Variants in ADAMTSL1 observed in about 807,000 individuals in gnomAD.
ADAMTSL1 encodes the protein ADAMTS like 1.
Under a neutral mutation model 201.8 loss-of-function variants are expected in ADAMTSL1, and 126 were observed. The ratio of observed to expected loss-of-function variants is 0.62; its 90% CI spans 0.54 to 0.72. ADAMTSL1 has a LOEUF of 0.72. ADAMTSL1 is among the 30% of genes least tolerant of loss of function. The probability of loss-of-function intolerance (pLI) is 0.00; values close to 1 mark genes in which losing one functional copy is unlikely to be tolerated. For missense variants in ADAMTSL1, 2,679 were observed against 2,277.8 expected (o/e 1.18, Z -3.59); for synonymous variants, 1,121 against 903.4 (o/e 1.24, Z -4.32).
At chr9:18,720,662 A>T (rs1833287815) in intron 14 of ADAMTSL1, among the ~76,000 whole-genome samples, 2 of 152,342 alleles carry the variant, frequency 1.3e-5, no homozygotes, top group South Asian at 2.1e-4. Context: ...ACACGCCTGT[A>T]ATCCCAGCTA....
At chr9:18,509,383 C>T (rs1041267229) in intron 2 of ADAMTSL1, among the ~76,000 whole-genome samples, 2 of 152,130 alleles carry the variant, frequency 1.3e-5, no homozygotes, top group Admixed American at 6.5e-5. Flanking sequence ...CTTCCTTACG[C>T]TAATGGTAAC....
At chr9:18,127,481 AACACACACAC>A (rs112886805) in intron 1 of ADAMTSL1, among the ~76,000 whole-genome samples, 2,590 of 146,198 alleles carry the variant, frequency 0.018, 28 homozygotes, top group Non-Finnish European at 0.024. Flanking sequence ...GCACATACAC[AACACACACAC>A]ACACACACAC....
intron 14 of ADAMTSL1, among the ~76,000 whole-genome samples, chr9:18,720,009 A>G (rs981806977): frequency 6.6e-6 from 1 of 152,262 alleles, no homozygotes. Context: ...ATGTCCAGCT[A>G]TAGATAGGTA....
intron 2 of ADAMTSL1, among the ~76,000 whole-genome samples, chr9:18,406,951 G>A (rs1818232142): frequency 6.6e-6 from 1 of 152,152 alleles, no homozygotes; most frequent in African/African-American, 2.4e-5. Flanking sequence ...GAGAATAAAT[G>A]TGAAAAGCAG....
At chr9:18,455,648 C>A (rs906338296) in intron 2 of ADAMTSL1, among the ~76,000 whole-genome samples, 3 of 152,080 alleles carry the variant, frequency 2.0e-5, no homozygotes, top group African/African-American at 7.2e-5. Context: ...CCAAAGTGCT[C>A]TTCAGCTGAT....
intron 2 of ADAMTSL1, among the ~76,000 whole-genome samples, chr9:18,340,616 G>A (rs1387115713): frequency 1.3e-5 from 2 of 152,134 alleles, no homozygotes; most frequent in African/African-American, 2.4e-5. Flanking sequence ...TGTTGTGGGA[G>A]GGACCAGGTG....
intron 2 of ADAMTSL1, among the ~76,000 whole-genome samples, chr9:18,438,541 C>T (rs986474879): frequency 2.0e-5 from 3 of 152,152 alleles, no homozygotes; most frequent in Non-Finnish European, 4.4e-5. Context: ...CTCCTCTCTC[C>T]GGCCCCATCC....
At chr9:18,425,675 G>A (rs1364449088) in intron 2 of ADAMTSL1, among the ~76,000 whole-genome samples, 5 of 151,792 alleles carry the variant, frequency 3.3e-5, no homozygotes, top group Non-Finnish European at 5.9e-5. Flanking sequence ...GCATCATAGC[G>A]AGAACCCATC....
chr9:18,410,313 AG>A (rs1460881126), intron 2 of ADAMTSL1, among the ~76,000 whole-genome samples: 1 of 152,112 alleles, frequency 6.6e-6, no homozygotes, highest in Admixed American at 6.5e-5. Context: ...CCTATCACCT[AG>A]TTATTAAGCA....
At chr9:18,778,900 C>G (rs1462402327) in intron 19 of ADAMTSL1, among the ~76,000 whole-genome samples, 1 of 152,146 alleles carries the variant, frequency 6.6e-6, no homozygotes, top group African/African-American at 2.4e-5. Flanking sequence ...GTCTAGATTC[C>G]TCATTTTAAC....
At chr9:18,770,813 G>C (rs1436559831) in intron 17 of ADAMTSL1, 32 bp downstream of exon 17, 2 of 1,597,916 alleles carry the variant, frequency 1.3e-6, no homozygotes, top group African/African-American at 1.3e-5. Flanking sequence ...GAATGAAAGA[G>C]ATCCAAGTAG....
At chr9:18,711,677 C>G (rs1169909366) in intron 14 of ADAMTSL1, among the ~76,000 whole-genome samples, 10 of 152,202 alleles carry the variant, frequency 6.6e-5, no homozygotes, top group Non-Finnish European at 1.3e-4. Flanking sequence ...GGGAGGGGCG[C>G]CCGCCATTGC....
At chr9:18,020,961 C>G (rs1341926987) in intron 1 of ADAMTSL1, among the ~76,000 whole-genome samples, 1 of 152,100 alleles carries the variant, frequency 6.6e-6, no homozygotes, top group African/African-American at 2.4e-5. Context: ...CTTTAAATCC[C>G]TAGTCATCTG....
chr9:18,826,111 T>C (rs1029525756), intron 21 of ADAMTSL1, 173 bp from the exon 22 acceptor site: 76 of 711,640 alleles, frequency 1.1e-4, no homozygotes, highest in Non-Finnish European at 1.6e-4. Context: ...GAAGTCTATA[T>C]CCTTATCCTA....
Position 18,684,784 on chromosome 9 carries a change from G to A in ADAMTSL1, c.1558G>A (p.Val520Met). The A allele has an allele frequency of 1.2e-6, 2 of 1,612,222 alleles. No individual in the cohort carries two copies. The change falls in exon 13 of 29, where the codon GTG becomes ATG. Residue 520 changes from valine (V) to methionine (M), a missense_variant. Transcript: ENST00000380548. ...QAQELEEGAAVSEEPSFIPEA... is the reference protein window; with the variant it reads ...QAQELEEGAAMSEEPSFIPEA... ...TCAAGAGCTAGAAGAAGGAGCTGCT[G>A]TGTCAGAGGAGCCCTCGTAAGTTGT...
chr9:18,560,492 C>T (rs1821413953), intron 3 of ADAMTSL1, among the ~76,000 whole-genome samples: 1 of 152,086 alleles, frequency 6.6e-6, no homozygotes, highest in African/African-American at 2.4e-5. Flanking sequence ...GTTTATCTGC[C>T]AGGCTTTGGT....
At chr9:18,870,931 C>T (rs1226524947) in intron 23 of ADAMTSL1, among the ~76,000 whole-genome samples, 1 of 152,152 alleles carries the variant, frequency 6.6e-6, no homozygotes, top group African/African-American at 2.4e-5. Context: ...AAGATCTATT[C>T]ATTCTGTTTT....
intron 2 of ADAMTSL1, among the ~76,000 whole-genome samples, chr9:18,508,046 G>T (rs540192625): frequency 2.0e-5 from 3 of 152,118 alleles, no homozygotes; most frequent in Admixed American, 6.5e-5. Flanking sequence ...TTAGCTGGGC[G>T]TGGTAGCGGG....
intron 21 of ADAMTSL1, among the ~76,000 whole-genome samples, chr9:18,819,813 A>G (rs1338952414): frequency 6.6e-6 from 1 of 152,248 alleles, no homozygotes; most frequent in Non-Finnish European, 1.5e-5. Context: ...TACTCATTCA[A>G]AGTAGGTGGG....
Sources: gnomAD v4.1 joint callset for allele counts (sites outside exome capture counted in the v4.1 genomes callset) on GRCh38, gnomAD v4.1.1 for gene constraint, MANE v1.5 for transcripts, NCBI Gene and HGNC (gene_info 2026-07-23, HGNC 2026-07-21) for gene names.